The following SYT13 variants were observed in gnomAD, a reference collection of about 807,000 sequenced individuals.
The protein encoded by SYT13 is synaptotagmin 13.
Under a neutral mutation model 38.6 loss-of-function variants are expected in SYT13, and 21 were observed. The ratio of observed to expected loss-of-function variants is 0.54; its 90% CI spans 0.39 to 0.78. The LOEUF is 0.78. Among genes scored for constraint, SYT13 ranks in the 30% least tolerant of loss-of-function variants. The pLI is 0.00. For synonymous variants in SYT13, 241 were observed against 237.6 expected, an observed-to-expected ratio of 1.01 and a Z score of -0.13; for missense variants, 495 against 548.7, an observed-to-expected ratio of 0.90 and a Z score of 0.98.
chr11:45,263,637 G>A (rs759088913), intron 1 of SYT13, among the ~76,000 whole-genome samples: 3 of 152,220 alleles, frequency 2.0e-5, no homozygotes, highest in South Asian at 2.1e-4. Flanking sequence ...CTAAGCCCCC[G>A]CCAAGGGGGT....
chr11:45,283,075 G>A (rs2135913590), intron 1 of SYT13, among the ~76,000 whole-genome samples: 1 of 152,298 alleles, frequency 6.6e-6, no homozygotes, highest in South Asian at 2.1e-4. Context: ...CTGAGCCCAG[G>A]AAGTCAAGAC....
At chr11:45,265,097 C>A (rs1346045502) in intron 1 of SYT13, among the ~76,000 whole-genome samples, 1 of 152,232 alleles carries the variant, frequency 6.6e-6, no homozygotes, top group Admixed American at 6.5e-5. Flanking sequence ...CCCAGCCTTC[C>A]ACCAACAGGA....
chr11:45,275,032 C>T (rs1278761862), intron 1 of SYT13, among the ~76,000 whole-genome samples: 1 of 152,112 alleles, frequency 6.6e-6, no homozygotes, highest in East Asian at 1.9e-4. Context: ...TCACTAAAGG[C>T]AAGCATAGAG....
At chr11:45,277,984 C>T (rs1329752660) in intron 1 of SYT13, among the ~76,000 whole-genome samples, 2 of 152,170 alleles carry the variant, frequency 1.3e-5, no homozygotes, top group Non-Finnish European at 2.9e-5. Flanking sequence ...ATCCTCACTT[C>T]CTAGCACAGT....
chr11:45,254,654 C>T, intron 2 of SYT13: 1 of 403,558 alleles, frequency 2.5e-6, no homozygotes, highest in Admixed American at 4.4e-5. Flanking sequence ...AATCTACTCT[C>T]CCTGCTTTAT....
Position 45,252,515 on chromosome 11 carries a change from C to G in SYT13, c.752G>C (p.Arg251Pro). The stretch of plus-strand genomic sequence containing the variant: ...GCGGAGCTCCCCGGCCACGCTGTGA[C>G]GGGAGAAGCGGTCGCAGGTCCTCAA... ...LTLRTCDRFS[R>P]HSVAGELRLG... The change falls in exon 4 of 6, where the codon CGT becomes CCT. Residue 251 changes from arginine to proline, a missense_variant. Coordinates refer to ENST00000020926, the MANE Select transcript of SYT13 (RefSeq NM_020826.3). This position sits in a 1 kb window ranked among gnomAD's most constrained non-coding sequence, Gnocchi z 4.3. 6.2e-7 allele frequency: 1 copy of G among 1,614,032 alleles called. No homozygotes were observed. Among genetic ancestry groups the G allele is most frequent in the East Asian group, 2.2e-5 (1 of 44,884 alleles).
chr11:45,267,101 T>C (rs7108623), intron 1 of SYT13, among the ~76,000 whole-genome samples: 125,272 of 152,220 alleles, frequency 0.82, 52,325 homozygotes, highest in Non-Finnish European at 0.87. Context: ...TATTGTCAAC[T>C]TCATTTTACA....
intron 4 of SYT13, among the ~76,000 whole-genome samples, chr11:45,247,107 G>T (rs532830862): frequency 2.2e-4 from 33 of 152,330 alleles, no homozygotes; most frequent in Non-Finnish European, 3.7e-4. Context: ...CTTGAAGGAG[G>T]TGCTGATGCC....
intron 1 of SYT13, among the ~76,000 whole-genome samples, chr11:45,282,147 C>T (rs1336026822): frequency 6.6e-6 from 1 of 152,168 alleles, no homozygotes; most frequent in African/African-American, 2.4e-5. Flanking sequence ...CTTTGCCTCC[C>T]TGGCTCTTTC....
chr11:45,262,839 A>G (rs1243257985), intron 1 of SYT13, among the ~76,000 whole-genome samples: 1 of 152,186 alleles, frequency 6.6e-6, no homozygotes. Context: ...CATAATAAAA[A>G]AAAAGAGAGA....
chr11:45,281,995 T>A (rs1208502100), intron 1 of SYT13, among the ~76,000 whole-genome samples: 1 of 152,210 alleles, frequency 6.6e-6, no homozygotes, highest in Non-Finnish European at 1.5e-5. Context: ...GAGGACTTTC[T>A]ATGAAAGGTC....
chr11:45,266,652 G>C (rs1401186605), intron 1 of SYT13, among the ~76,000 whole-genome samples: 2 of 152,170 alleles, frequency 1.3e-5, no homozygotes, highest in Admixed American at 6.5e-5. Context: ...ACTCCTAGAG[G>C]CTGAGTGGGA....
chr11:45,273,592 T>C (rs540287292), intron 1 of SYT13, among the ~76,000 whole-genome samples: 142 of 152,344 alleles, frequency 9.3e-4, no homozygotes, highest in Non-Finnish European at 1.8e-3. Context: ...CTACATTCTG[T>C]GTATAACTGT....
chr11:45,269,485 T>C, intron 1 of SYT13: 4 of 1,287,084 alleles, frequency 3.1e-6, no homozygotes, highest in Non-Finnish European at 4.0e-6. Context: ...ACCACCTCTG[T>C]AAACTTCATA....
chr11:45,279,734 T>C (rs1162790609), intron 1 of SYT13, among the ~76,000 whole-genome samples: 1 of 152,062 alleles, frequency 6.6e-6, no homozygotes, highest in Non-Finnish European at 1.5e-5. Flanking sequence ...AATGGGTGAG[T>C]TCACCAGGCA....
chr11:45,267,885 C>T (rs941800641), intron 1 of SYT13, among the ~76,000 whole-genome samples: 2 of 152,154 alleles, frequency 1.3e-5, no homozygotes, highest in South Asian at 4.2e-4. Flanking sequence ...TACCCTTGTA[C>T]CATCTTTTGT....
At chr11:45,265,001 G>C (rs957042906) in intron 1 of SYT13, among the ~76,000 whole-genome samples, 1 of 152,172 alleles carries the variant, frequency 6.6e-6, no homozygotes, top group African/African-American at 2.4e-5. Flanking sequence ...ATTTATCCAA[G>C]AGAAAGGAAA....
At chr11:45,280,364 TA>T (rs1006668489) in intron 1 of SYT13, among the ~76,000 whole-genome samples, 2 of 151,574 alleles carry the variant, frequency 1.3e-5, no homozygotes, top group Non-Finnish European at 2.9e-5. Context: ...AGCAATTTAT[TA>T]AAAAAAACAC....
chr11:45,259,391 C>T (rs921373349), intron 1 of SYT13, among the ~76,000 whole-genome samples: 2 of 152,180 alleles, frequency 1.3e-5, no homozygotes, highest in African/African-American at 4.8e-5. Flanking sequence ...TTTGCATTTT[C>T]AAGGGGGAAA....
Sources: allele counts gnomAD v4.1 joint callset (sites outside exome capture counted in the v4.1 genomes callset), GRCh38; gene constraint gnomAD v4.1.1; non-coding constraint Gnocchi (gnomAD v3.1); transcripts MANE v1.5; gene names NCBI Gene and HGNC (gene_info 2026-07-23, HGNC 2026-07-21).